Variants in ACER3 observed in about 807,000 individuals in gnomAD.
ACER3 encodes alkaline ceramidase 3.
ACER3 carries 16 observed loss-of-function variants against 48.9 expected under a neutral mutation model. That is an observed-to-expected ratio of 0.33 (90% CI 0.22 to 0.50). The LOEUF (loss-of-function observed/expected upper bound fraction) is 0.50. ACER3 is among the 20% of genes least tolerant of loss of function. The pLI is 0.98. For synonymous variants in ACER3, 109 were observed against 107.8 expected (o/e 1.01, Z -0.07); for missense variants, 227 against 326.0 (o/e 0.70, Z 2.34).
intron 3 of ACER3, among the ~76,000 whole-genome samples, chr11:76,975,628 C>A (rs2135148724): frequency 6.6e-6 from 1 of 152,022 alleles, no homozygotes; most frequent in African/African-American, 2.4e-5. Context: ...TGATGGACAT[C>A]ATTTTTTTCT....
intron 2 of ACER3, among the ~76,000 whole-genome samples, chr11:76,950,018 A>G (rs907448726): frequency 2.0e-5 from 3 of 152,004 alleles, no homozygotes; most frequent in Non-Finnish European, 4.4e-5. Flanking sequence ...TGAACTCTGC[A>G]TTGCTATCAC....
intron 2 of ACER3, among the ~76,000 whole-genome samples, chr11:76,947,437 A>G (rs899078817): frequency 5.3e-5 from 8 of 152,216 alleles, no homozygotes; most frequent in Non-Finnish European, 1.0e-4. Flanking sequence ...TGCCAGAGTA[A>G]ATAAAAGTCA....
intron 6 of ACER3, among the ~76,000 whole-genome samples, chr11:76,994,660 A>G (rs1052124291): frequency 6.6e-6 from 1 of 152,230 alleles, no homozygotes; most frequent in Non-Finnish European, 1.5e-5. Flanking sequence ...AACAAACTTC[A>G]AAGAAGTTTG....
chr11:76,983,574 C>T (rs1468141533), intron 4 of ACER3, among the ~76,000 whole-genome samples: 1 of 152,192 alleles, frequency 6.6e-6, no homozygotes, highest in Non-Finnish European at 1.5e-5. Flanking sequence ...CTCAGCCTCC[C>T]AAAGTGCTGG....
intron 1 of ACER3, among the ~76,000 whole-genome samples, chr11:76,874,231 G>A (rs1270523246): frequency 6.6e-6 from 1 of 152,002 alleles, no homozygotes; most frequent in African/African-American, 2.4e-5. Flanking sequence ...GTGACTTTGG[G>A]CAAATCACTT....
At chr11:76,970,492 A>G (rs1264131110) in intron 3 of ACER3, among the ~76,000 whole-genome samples, 2 of 152,232 alleles carry the variant, frequency 1.3e-5, no homozygotes, top group African/African-American at 4.8e-5. Flanking sequence ...GAAGTGTTCC[A>G]GATAAAAGGA....
intron 1 of ACER3, among the ~76,000 whole-genome samples, chr11:76,923,468 T>G (rs558889886): frequency 1.3e-5 from 2 of 152,318 alleles, no homozygotes; most frequent in South Asian, 4.1e-4. Flanking sequence ...TCTGGGTTGG[T>G]TCCAGTTGAT....
At chr11:76,997,525 A>G (rs1317364903) in intron 6 of ACER3, among the ~76,000 whole-genome samples, 1 of 152,210 alleles carries the variant, frequency 6.6e-6, no homozygotes, top group Non-Finnish European at 1.5e-5. Context: ...TCAGCTTTAT[A>G]GAAGGATACA....
At chr11:76,903,792 C>G (rs1205492904) in intron 1 of ACER3, among the ~76,000 whole-genome samples, 1 of 152,068 alleles carries the variant, frequency 6.6e-6, no homozygotes, top group Non-Finnish European at 1.5e-5. Flanking sequence ...GCAAAGCCAC[C>G]TCTTATGGGG....
chr11:76,910,504 T>C (rs1459498826), intron 1 of ACER3, among the ~76,000 whole-genome samples: 1 of 152,176 alleles, frequency 6.6e-6, no homozygotes, highest in Non-Finnish European at 1.5e-5. Context: ...CCTTGCTTAC[T>C]CAATTCACTT....
chr11:76,895,601 GC>G (rs1322464063), intron 1 of ACER3, among the ~76,000 whole-genome samples: 6 of 152,094 alleles, frequency 3.9e-5, no homozygotes, highest in Non-Finnish European at 8.8e-5. Flanking sequence ...TGACTTTTTA[GC>G]TTCTCTATTT....
intron 1 of ACER3, among the ~76,000 whole-genome samples, chr11:76,869,444 A>C (rs1590857667): frequency 6.6e-6 from 1 of 152,260 alleles, no homozygotes; most frequent in African/African-American, 2.4e-5. Context: ...GTGCTGCAAG[A>C]GCTGCCATAC....
At chr11:76,872,063 C>T (rs1945256580) in intron 1 of ACER3, among the ~76,000 whole-genome samples, 1 of 136,944 alleles carries the variant, frequency 7.3e-6, no homozygotes, top group African/African-American at 2.7e-5. Context: ...CTTTACCCCC[C>T]AAACCCTGGC....
chr11:76,894,454 GT>G (rs1380804906), intron 1 of ACER3, among the ~76,000 whole-genome samples: 8 of 152,108 alleles, frequency 5.3e-5, no homozygotes, highest in African/African-American at 1.9e-4. Context: ...AGGCCACATA[GT>G]ATAATTAATA....
intron 1 of ACER3, among the ~76,000 whole-genome samples, chr11:76,895,522 A>G (rs1945906302): frequency 6.6e-6 from 1 of 152,192 alleles, no homozygotes; most frequent in African/African-American, 2.4e-5. Flanking sequence ...GAAGTATTTA[A>G]CCTACAATCA....
At chr11:76,875,732 G>GTTTTTTTTTTT (rs71040037) in intron 1 of ACER3, among the ~76,000 whole-genome samples, 65 of 67,074 alleles carry the variant, frequency 9.7e-4, no homozygotes, top group African/African-American at 1.1e-3. Flanking sequence ...AGTTTTTGTT[G>GTTTTTTTTTTT]TTTTTTTTTT....
rs1026586789 is a variant in ACER3 at position 77,024,361 on chromosome 11, G to A, written c.*4034G>A. On this transcript the variant is annotated 3_prime_UTR_variant, in exon 11 of 11. Coordinates refer to ENST00000532485, the MANE Select transcript of ACER3 (RefSeq NM_018367.7). ...GTAATTGCTACATGGGGGAGCTGCT[G>A]GTGTTGTTGAGGTCCTTGGGAGCAT... 1 of 151,564 alleles carries A rather than the reference G, an allele frequency of 6.6e-6. No individual in the cohort carries two copies. The highest frequency in any genetic ancestry group is 2.4e-5 in the African/African-American group (1 of 41,268). The allele number at this position is 151,564 out of a possible 1,614,324, so 9.4% of individuals were successfully genotyped here.
intron 1 of ACER3, among the ~76,000 whole-genome samples, chr11:76,874,060 G>A (rs905435624): frequency 2.6e-5 from 4 of 152,114 alleles, no homozygotes; most frequent in Admixed American, 6.5e-5. Flanking sequence ...TTAAGACCCA[G>A]CAAAATGATA....
At chr11:76,915,505 C>T (rs1946503561) in intron 1 of ACER3, among the ~76,000 whole-genome samples, 1 of 152,038 alleles carries the variant, frequency 6.6e-6, no homozygotes, top group African/African-American at 2.4e-5. Context: ...CCGGAAACAA[C>T]CTCTCCCTGG....
Sources: gnomAD v4.1 joint callset for allele counts (sites outside exome capture counted in the v4.1 genomes callset) on GRCh38, gnomAD v4.1.1 for gene constraint, MANE v1.5 for transcripts, NCBI Gene and HGNC (gene_info 2026-07-23, HGNC 2026-07-21) for gene names.